Variants in C1GALT1 observed in about 807,000 individuals in gnomAD.
The protein encoded by C1GALT1 is core 1 synthase, glycoprotein-N-acetylgalactosamine 3-beta-galactosyltransferase 1.
In C1GALT1, 11 loss-of-function variants were observed where a neutral mutation model predicts 31.0. That is an observed-to-expected ratio of 0.36 (90% CI 0.22 to 0.59). The LOEUF is 0.59. C1GALT1 is among the 20% of genes least tolerant of loss of function. C1GALT1 has a pLI of 0.79. For missense variants in C1GALT1, 424 were observed against 425.2 expected (o/e 1.00, Z 0.03); for synonymous variants, 175 against 143.6 (o/e 1.22, Z -1.56).
rs1424078850 is a variant in C1GALT1 at position 7,246,135 on chromosome 7, C to T, written c.*2408C>T. 6.6e-6 allele frequency: 1 copy of T among 152,102 alleles called. No homozygotes were observed. Among genetic ancestry groups the T allele is most frequent in the Non-Finnish European group, 1.5e-5 (1 of 68,022 alleles). The allele number at this position is 152,102 out of a possible 1,614,324, so 9.4% of individuals were successfully genotyped here. On this transcript the variant is annotated 3_prime_UTR_variant, in exon 4 of 4. Coordinates refer to ENST00000436587, the MANE Select transcript of C1GALT1 (RefSeq NM_020156.5). The stretch of plus-strand genomic sequence containing the variant: ...TCCAATGCCAACTGTATGCTAGGTA[C>T]TGTGCTTAGATAATCTGTGTATAAT...
upstream of C1GALT1, chr7:7,177,914 A>C (rs1780522115): frequency 1.1e-5 from 2 of 174,762 alleles, no homozygotes; most frequent in South Asian, 1.2e-4. Flanking sequence ...GGATAGGGAA[A>C]TTGAGATTCA....
intron 1 of C1GALT1, among the ~76,000 whole-genome samples, chr7:7,192,762 T>C (rs1250433900): frequency 2.6e-5 from 4 of 152,172 alleles, no homozygotes; most frequent in South Asian, 2.1e-4. Flanking sequence ...CTAGTTTACA[T>C]TCCCAGCAGC....
intron 1 of C1GALT1, among the ~76,000 whole-genome samples, chr7:7,183,148 G>C (rs1780659070): frequency 6.6e-6 from 1 of 151,954 alleles, no homozygotes; most frequent in Non-Finnish European, 1.5e-5. Context: ...GCTGCCTGGC[G>C]GCGCGGCGGG....
At chr7:7,227,812 G>C (rs1431270996) in intron 1 of C1GALT1, among the ~76,000 whole-genome samples, 1 of 151,982 alleles carries the variant, frequency 6.6e-6, no homozygotes, top group South Asian at 2.1e-4. Context: ...GCCACCTCAA[G>C]ACTCTTCAGA....
intron 2 of C1GALT1, among the ~76,000 whole-genome samples, chr7:7,174,843 T>G (rs549698317): frequency 6.6e-6 from 1 of 152,252 alleles, no homozygotes; most frequent in South Asian, 2.1e-4. Context: ...TCATACATCA[T>G]TTTCCTGGCT....
chr7:7,234,220 T>A, intron 1 of C1GALT1, 83 bp from the exon 2 acceptor site: 1 of 973,604 alleles, frequency 1.0e-6, no homozygotes, highest in Non-Finnish European at 1.6e-6. Context: ...CTTTCCGTTA[T>A]AGCTAAATGT....
chr7:7,171,072 A>T (rs1342765994), intron 2 of C1GALT1, among the ~76,000 whole-genome samples: 1 of 150,432 alleles, frequency 6.6e-6, no homozygotes, highest in Non-Finnish European at 1.5e-5. Flanking sequence ...CTTGAGAAAA[A>T]TATGTATTCT....
At chr7:7,171,585 A>C (rs1401516277) in intron 2 of C1GALT1, among the ~76,000 whole-genome samples, 1 of 152,118 alleles carries the variant, frequency 6.6e-6, no homozygotes, top group Non-Finnish European at 1.5e-5. Context: ...TTATATCTAA[A>C]ATAATTACTC....
chr7:7,232,894 AT>A (rs1783154277), intron 1 of C1GALT1, among the ~76,000 whole-genome samples: 1 of 152,188 alleles, frequency 6.6e-6, no homozygotes, highest in Non-Finnish European at 1.5e-5. Context: ...CCTTTTTAAA[AT>A]TTCTCTTTCC....
Position 7,247,894 on chromosome 7 carries a change from A to G in C1GALT1, c.*4167A>G, listed in dbSNP as rs1347392784. ...TGAAATTGAAAGTAAAAGTCTAAGA[A>G]TAATGCCTGCTGGCTCTCGAGATAC... On this transcript the variant is annotated 3_prime_UTR_variant, in exon 4 of 4. Transcript: ENST00000436587. 6.6e-6 allele frequency: 1 copy of G among 152,088 alleles called. No individual in the cohort carries two copies. Among genetic ancestry groups the G allele is most frequent in the African/African-American group, 2.4e-5 (1 of 41,450 alleles). 9.4% of individuals were successfully genotyped at this position (152,088 alleles called of 1,614,324 possible).
upstream of C1GALT1, chr7:7,178,027 CA>C: frequency 4.5e-6 from 1 of 223,952 alleles, no homozygotes; most frequent in Non-Finnish European, 9.5e-6. Context: ...GTGGTGGCTA[CA>C]AAAAGGCTGG....
chr7:7,216,827 A>G (rs1424400553), intron 1 of C1GALT1, among the ~76,000 whole-genome samples: 1 of 152,198 alleles, frequency 6.6e-6, no homozygotes. Flanking sequence ...GAAGAGTCCT[A>G]GAGCCTGATT....
At chr7:7,196,343 T>C (rs1251524753) in intron 1 of C1GALT1, among the ~76,000 whole-genome samples, 1 of 152,114 alleles carries the variant, frequency 6.6e-6, no homozygotes, top group Non-Finnish European at 1.5e-5. Context: ...GATGGTTTGC[T>C]CAGAATGATG....
At chr7:7,190,459 A>G (rs376634116) in intron 1 of C1GALT1, among the ~76,000 whole-genome samples, 133 of 152,250 alleles carry the variant, frequency 8.7e-4, no homozygotes, top group African/African-American at 3.0e-3. Context: ...TAAAATTTCA[A>G]ATAACATAGT....
At chr7:7,236,524 A>ATT (rs763890063) in intron 2 of C1GALT1, among the ~76,000 whole-genome samples, 1 of 151,654 alleles carries the variant, frequency 6.6e-6, no homozygotes, top group African/African-American at 2.4e-5. Context: ...GAGAATTTTT[A>ATT]TTTTTTATTT....
chr7:7,231,724 A>G (rs1034124816), intron 1 of C1GALT1, among the ~76,000 whole-genome samples: 1 of 152,048 alleles, frequency 6.6e-6, no homozygotes, highest in African/African-American at 2.4e-5. Flanking sequence ...GTTTAGCCGT[A>G]ATTTTCATCT....
intron 1 of C1GALT1, among the ~76,000 whole-genome samples, chr7:7,192,638 A>G (rs1358148681): frequency 6.6e-6 from 1 of 152,094 alleles, no homozygotes; most frequent in East Asian, 1.9e-4. Flanking sequence ...TGTTTTTCGT[A>G]TAATGACTTC....
At chr7:7,200,733 C>G (rs28872550) in intron 1 of C1GALT1, among the ~76,000 whole-genome samples, 4,894 of 152,210 alleles carry the variant, frequency 0.032, 278 homozygotes, top group African/African-American at 0.11. Context: ...CTTCTCTCTT[C>G]ATTTCATTCA....
chr7:7,219,601 T>G (rs1243113164), intron 1 of C1GALT1, among the ~76,000 whole-genome samples: 2 of 152,312 alleles, frequency 1.3e-5, no homozygotes, highest in East Asian at 1.9e-4. Flanking sequence ...TATTTGGAGA[T>G]TCTCACTAAT....
Sources: gnomAD v4.1 joint callset for allele counts (sites outside exome capture counted in the v4.1 genomes callset) on GRCh38, gnomAD v4.1.1 for gene constraint, MANE v1.5 for transcripts, NCBI Gene and HGNC (gene_info 2026-07-23, HGNC 2026-07-21) for gene names.